Variants in KCNH1 observed in about 807,000 individuals in gnomAD.
KCNH1 encodes voltage-gated delayed rectifier potassium channel KCNH1.
A neutral mutation model predicts 69.2 loss-of-function variants in KCNH1; 27 were observed. That is an observed-to-expected ratio of 0.39 (90% CI 0.29 to 0.54). The LOEUF (loss-of-function observed/expected upper bound fraction) is 0.54, where lower values mean the gene tolerates loss of function less well. KCNH1 is among the 20% of genes least tolerant of loss of function. The pLI, the probability that KCNH1 is intolerant of heterozygous loss-of-function variation, is 0.68. For synonymous variants in KCNH1, 456 were observed against 487.7 expected (o/e 0.93, Z 0.86); for missense variants, 798 against 1,261.6 (o/e 0.63, Z 5.57).
chr1:211,009,305 A>T lies in KCNH1; in HGVS notation c.1032+9478T>A, dbSNP rs535814010. Among the ~76,000 whole-genome samples, 3 of 152,366 alleles carry T rather than the reference A, an allele frequency of 2.0e-5. No individual in the cohort carries two copies. The East Asian group carries it at 5.8e-4, about 29-fold the overall frequency. ...TGACAAGGTTGAAAACCTGATCAGA[A>T]TAAGTGCAAGAAAGAGAAGAGAAAA... On this transcript the variant is annotated intron_variant, in intron 6 of 10. Coordinates refer to ENST00000271751, the MANE Select transcript of KCNH1 (RefSeq NM_172362.3).
chr1:210,921,599 C>T (rs574734947), intron 6 of KCNH1, among the ~76,000 whole-genome samples: 1 of 152,292 alleles, frequency 6.6e-6, no homozygotes, highest in South Asian at 2.1e-4. Flanking sequence ...TATTTTGCAG[C>T]TTCTTCCATC....
intron 5 of KCNH1, among the ~76,000 whole-genome samples, chr1:211,056,165 G>C (rs1238093312): frequency 1.3e-5 from 2 of 152,222 alleles, no homozygotes; most frequent in Non-Finnish European, 2.9e-5. Context: ...CTAAGACAGA[G>C]GGGAACCCAC....
chr1:210,687,102 T>A (rs1307819627), intron 10 of KCNH1, among the ~76,000 whole-genome samples: 3 of 152,164 alleles, frequency 2.0e-5, no homozygotes, highest in African/African-American at 7.2e-5. Flanking sequence ...ACATCAAAGG[T>A]CAGGGGCAGC....
At chr1:210,861,205 C>T in intron 7 of KCNH1, 1 of 966,948 alleles carries the variant, frequency 1.0e-6, no homozygotes, top group African/African-American at 1.6e-5. Flanking sequence ...CTGTATAACA[C>T]ATCAATGGAA....
chr1:210,780,065 G>A (rs915548690), intron 9 of KCNH1, among the ~76,000 whole-genome samples: 2 of 152,324 alleles, frequency 1.3e-5, no homozygotes, highest in Non-Finnish European at 2.9e-5. Context: ...AGGTGGGTGG[G>A]TAGGGTGAAA....
chr1:210,713,074 G>C (rs1382979880), intron 10 of KCNH1, among the ~76,000 whole-genome samples: 3 of 152,114 alleles, frequency 2.0e-5, no homozygotes, highest in Non-Finnish European at 2.9e-5. Context: ...TCCTGTGTTT[G>C]TCAATTTATT....
chr1:210,925,425 A>C (rs1281126264), intron 6 of KCNH1, among the ~76,000 whole-genome samples: 1 of 152,220 alleles, frequency 6.6e-6, no homozygotes, highest in African/African-American at 2.4e-5. Flanking sequence ...ATATGCCAAA[A>C]ACCTGTGAGT....
chr1:210,976,975 T>C (rs1688624873), intron 6 of KCNH1, among the ~76,000 whole-genome samples: 1 of 151,704 alleles, frequency 6.6e-6, no homozygotes, highest in Non-Finnish European at 1.5e-5. Flanking sequence ...CAAAGGATTA[T>C]AAAACATGCT....
At position 211,081,108 on chromosome 1, in the gene KCNH1, A is replaced by C. The variant is rs377761991; in HGVS notation, c.558+1672T>G. Among the ~76,000 whole-genome samples the C allele has an allele frequency of 7.2e-5, 11 of 152,352 alleles. No homozygotes were observed. In the East Asian group the frequency reaches 1.9e-3, roughly 27 times the overall value. ...ATATCCAGAATCTACAAAGAACTCA[A>C]ACAAATTTACAAGAAAAAAACAAAC... On this transcript the variant is annotated intron_variant, in intron 5 of 10. Coordinates refer to ENST00000271751, the MANE Select transcript of KCNH1 (RefSeq NM_172362.3).
intron 6 of KCNH1, among the ~76,000 whole-genome samples, chr1:210,944,486 G>A (rs1449195650): frequency 6.6e-6 from 1 of 152,194 alleles, no homozygotes; most frequent in Non-Finnish European, 1.5e-5. Context: ...TCTAAATGGA[G>A]AGCTCAAGAC....
chr1:211,061,477 A>G (rs76527378), intron 5 of KCNH1, among the ~76,000 whole-genome samples: 1,674 of 152,290 alleles, frequency 0.011, 13 homozygotes, highest in Non-Finnish European at 0.016. Context: ...ATCAGATTCA[A>G]TCCTTGCCAG....
chr1:210,877,738 TA>T (rs1686408697), intron 7 of KCNH1, among the ~76,000 whole-genome samples: 1 of 152,180 alleles, frequency 6.6e-6, no homozygotes, highest in South Asian at 2.1e-4. Context: ...ACACTGGAAA[TA>T]AAAATTATTT....
chr1:211,045,903 T>C (rs4951712), intron 5 of KCNH1, among the ~76,000 whole-genome samples: 63,463 of 152,000 alleles, frequency 0.42, 14,019 homozygotes, highest in South Asian at 0.56. Context: ...TTTGACTATT[T>C]TGGGTTAATA....
At chr1:210,850,515 AG>A (rs1420738693) in intron 7 of KCNH1, among the ~76,000 whole-genome samples, 2 of 152,316 alleles carry the variant, frequency 1.3e-5, no homozygotes, top group African/African-American at 2.4e-5. Context: ...TGTCTCAAAA[AG>A]AAAAAATGTT....
intron 10 of KCNH1, among the ~76,000 whole-genome samples, chr1:210,704,690 C>T (rs1283216763): frequency 4.6e-5 from 7 of 152,204 alleles, no homozygotes; most frequent in Non-Finnish European, 1.0e-4. Context: ...AAATGCTATT[C>T]TCCTTTTGAA....
intron 10 of KCNH1, among the ~76,000 whole-genome samples, chr1:210,759,026 G>C (rs1683456820): frequency 6.6e-6 from 1 of 152,122 alleles, no homozygotes; most frequent in Admixed American, 6.5e-5. Context: ...AACTCATACA[G>C]AGCCTTGGTG....
chr1:210,948,165 C>A, intron 6 of KCNH1, among the ~76,000 whole-genome samples: 1 of 148,494 alleles, frequency 6.7e-6, no homozygotes, highest in Non-Finnish European at 1.5e-5. Context: ...CTGCAGTGAG[C>A]TGTGATACTC....
At chr1:211,049,771 T>C (rs1690161022) in intron 5 of KCNH1, among the ~76,000 whole-genome samples, 2 of 152,008 alleles carry the variant, frequency 1.3e-5, no homozygotes, top group African/African-American at 2.4e-5. Context: ...TTAGACAAAA[T>C]TGTCAACAAA....
At chr1:211,071,598 G>A (rs1224642915) in intron 5 of KCNH1, among the ~76,000 whole-genome samples, 2 of 152,024 alleles carry the variant, frequency 1.3e-5, no homozygotes, top group African/African-American at 4.8e-5. Flanking sequence ...TTGTTTGTGT[G>A]GAAACGTTTT....
Sources: allele counts gnomAD v4.1 joint callset (sites outside exome capture counted in the v4.1 genomes callset), GRCh38; gene constraint gnomAD v4.1.1; transcripts MANE v1.5; gene names NCBI Gene and HGNC (gene_info 2026-07-23, HGNC 2026-07-21).